Variants in PLCG2 observed in about 807,000 individuals in gnomAD.
PLCG2 encodes 1-phosphatidylinositol 4,5-bisphosphate phosphodiesterase gamma-2.
In PLCG2, 69 loss-of-function variants were observed where a neutral mutation model predicts 175.6. The ratio of observed to expected loss-of-function variants is 0.39; its 90% CI spans 0.32 to 0.48. PLCG2 has a LOEUF of 0.48. Among genes scored for constraint, PLCG2 ranks in the 20% least tolerant of loss-of-function variants. PLCG2 has a pLI of 0.91. For missense variants in PLCG2, 1,798 were observed against 1,650.9 expected, an observed-to-expected ratio of 1.09 and a Z score of -1.54; for synonymous variants, 827 against 624.0, an observed-to-expected ratio of 1.33 and a Z score of -4.85.
chr16:81,873,408 C>T (rs767764975), intron 7 of PLCG2, among the ~76,000 whole-genome samples: 25 of 152,134 alleles, frequency 1.6e-4, no homozygotes, highest in Non-Finnish European at 2.9e-4. Context: ...AGAACAATGA[C>T]GTGTGTCATT....
At chr16:81,781,113 C>T (rs1597314455) in intron 1 of PLCG2, among the ~76,000 whole-genome samples, 1 of 152,200 alleles carries the variant, frequency 6.6e-6, no homozygotes. Context: ...TTGCCCGTTA[C>T]ATCATCAGTT....
intron 2 of PLCG2, among the ~76,000 whole-genome samples, chr16:81,770,340 G>A (rs1910250503): frequency 2.6e-5 from 4 of 152,178 alleles, no homozygotes; most frequent in Admixed American, 2.6e-4. Flanking sequence ...ACTAAGACAT[G>A]CATAGTAAAG....
At chr16:81,882,273 G>A (rs545659130) in intron 8 of PLCG2, among the ~76,000 whole-genome samples, 10 of 152,134 alleles carry the variant, frequency 6.6e-5, no homozygotes, top group East Asian at 1.9e-4. Context: ...TGGCCAAGGC[G>A]GGAGTCCTGC....
intron 1 of PLCG2, among the ~76,000 whole-genome samples, chr16:81,784,655 C>T (rs937906519): frequency 1.3e-5 from 2 of 152,198 alleles, no homozygotes; most frequent in African/African-American, 4.8e-5. Flanking sequence ...ATAGCTTAAT[C>T]TAAGGAGTGC....
intron 2 of PLCG2, among the ~76,000 whole-genome samples, chr16:81,821,364 T>A (rs1371637892): frequency 1.3e-5 from 2 of 152,188 alleles, no homozygotes; most frequent in Non-Finnish European, 2.9e-5. Flanking sequence ...ATACTGGAGG[T>A]ATTTCCAGTT....
intron 31 of PLCG2, among the ~76,000 whole-genome samples, chr16:81,946,613 C>T (rs1021191123): frequency 1.3e-5 from 2 of 152,086 alleles, no homozygotes; most frequent in African/African-American, 4.8e-5. Flanking sequence ...GCCAGTGCAT[C>T]TTTAGGAATC....
At chr16:81,821,897 A>T (rs551558751) in intron 2 of PLCG2, among the ~76,000 whole-genome samples, 1 of 151,848 alleles carries the variant, frequency 6.6e-6, no homozygotes, top group East Asian at 1.9e-4. Context: ...AGAGCAGCAC[A>T]AAGAGAGAGC....
At chr16:81,840,814 G>A (rs1597348495) in intron 2 of PLCG2, among the ~76,000 whole-genome samples, 1 of 152,190 alleles carries the variant, frequency 6.6e-6, no homozygotes, top group Non-Finnish European at 1.5e-5. Context: ...TCCCTTCCGA[G>A]TGGCAAGGAA....
chr16:81,846,975 T>C (rs1311447053), intron 2 of PLCG2, among the ~76,000 whole-genome samples: 1 of 152,208 alleles, frequency 6.6e-6, no homozygotes, highest in Non-Finnish European at 1.5e-5. Flanking sequence ...ATTCTGATAC[T>C]ATCTACTTGG....
chr16:81,959,853 G>C lies in PLCG2; in HGVS notation c.*1855G>C, dbSNP rs867953762. The stretch of plus-strand genomic sequence containing the variant: ...TAGGACTTCCACACAGCAGAGCTCA[G>C]GTGTTGCTGTCATTACCTCCTTTCA... On this transcript the variant is annotated 3_prime_UTR_variant, in exon 33 of 33. Transcript: ENST00000564138. 5.3e-6 allele frequency: 1 copy of C among 186,938 alleles called. No individual in the cohort carries two copies. Among genetic ancestry groups the C allele is most frequent in the African/African-American group, 2.3e-5 (1 of 42,720 alleles). 11.6% of individuals were successfully genotyped at this position (186,938 alleles called of 1,614,324 possible). A position where few individuals can be genotyped will look rare whatever the true frequency, so the allele number is the denominator to read the frequency against.
At chr16:81,835,573 G>A (rs1268458346) in intron 2 of PLCG2, among the ~76,000 whole-genome samples, 5 of 147,902 alleles carry the variant, frequency 3.4e-5, no homozygotes, top group Admixed American at 1.4e-4. Flanking sequence ...AGCAAGACTC[G>A]GTCTCAAATA....
intron 5 of PLCG2, among the ~76,000 whole-genome samples, chr16:81,860,506 G>A (rs1439871484): frequency 6.6e-6 from 1 of 152,016 alleles, no homozygotes; most frequent in Non-Finnish European, 1.5e-5. Context: ...GGGGCAAGAG[G>A]GCACCCTTTC....
chr16:81,781,540 T>G (rs1382411697), intron 1 of PLCG2, among the ~76,000 whole-genome samples: 1 of 152,254 alleles, frequency 6.6e-6, no homozygotes, highest in Non-Finnish European at 1.5e-5. Context: ...ATGCGTGTTT[T>G]GCTTTTTAGT....
At chr16:81,807,238 G>T (rs758543964) in intron 2 of PLCG2, among the ~76,000 whole-genome samples, 21 of 152,180 alleles carry the variant, frequency 1.4e-4, no homozygotes, top group Non-Finnish European at 2.5e-4. Flanking sequence ...CCTACATCAG[G>T]AGAGGGAGGT....
intron 19 of PLCG2, among the ~76,000 whole-genome samples, chr16:81,916,186 C>CCACT (rs1299325930): frequency 6.6e-6 from 1 of 151,652 alleles, no homozygotes; most frequent in Non-Finnish European, 1.5e-5. Context: ...TGGAAATAAA[C>CCACT]CACTGAAGCA....
chr16:81,904,769 TCTAGCAGTG>T (rs1323622310), intron 14 of PLCG2, among the ~76,000 whole-genome samples: 1 of 152,198 alleles, frequency 6.6e-6, no homozygotes, highest in Admixed American at 6.5e-5. Flanking sequence ...GGGTTTATAT[TCTAGCAGTG>T]AGGACAGAAG....
intron 29 of PLCG2, 70 bp from the exon 30 acceptor site, chr16:81,939,822 A>T: frequency 1.0e-6 from 1 of 985,544 alleles, no homozygotes; most frequent in Non-Finnish European, 1.6e-6. Context: ...CAGCTGAAGG[A>T]TGCGGAGATT....
chr16:81,784,379 C>T (rs1375563489), intron 1 of PLCG2, among the ~76,000 whole-genome samples: 1 of 152,224 alleles, frequency 6.6e-6, no homozygotes, highest in Non-Finnish European at 1.5e-5. Flanking sequence ...CCAGCTGCCC[C>T]TTGTGGGCAT....
chr16:81,810,123 G>A (rs1038706847), intron 2 of PLCG2, among the ~76,000 whole-genome samples: 1 of 151,994 alleles, frequency 6.6e-6, no homozygotes, highest in Non-Finnish European at 1.5e-5. Context: ...TCCTGAGTAG[G>A]TGGGACTACA....
Sources: gnomAD v4.1 joint callset for allele counts (sites outside exome capture counted in the v4.1 genomes callset) on GRCh38, gnomAD v4.1.1 for gene constraint, MANE v1.5 for transcripts, NCBI Gene and HGNC (gene_info 2026-07-23, HGNC 2026-07-21) for gene names.